Variants in MAGI1 observed in about 807,000 individuals in gnomAD.
MAGI1 encodes membrane associated guanylate kinase, WW and PDZ domain containing 1.
In MAGI1, 58 loss-of-function variants were observed where a neutral mutation model predicts 139.9. The observed-to-expected ratio is 0.41, with a 90% CI of 0.34 to 0.52. The LOEUF (loss-of-function observed/expected upper bound fraction) is 0.52, where lower values mean the gene tolerates loss of function less well. Ranked by LOEUF, MAGI1 falls within the 20% of genes least tolerant of loss-of-function variation. The probability of loss-of-function intolerance (pLI) is 0.12; values close to 1 mark genes in which losing one functional copy is unlikely to be tolerated. For missense variants in MAGI1, 1,874 were observed against 1,901.6 expected, an observed-to-expected ratio of 0.99 and a Z score of 0.27; for synonymous variants, 812 against 737.9, an observed-to-expected ratio of 1.10 and a Z score of -1.63.
At chr3:65,968,593 T>C (rs904686275) in intron 1 of MAGI1, among the ~76,000 whole-genome samples, 4 of 151,214 alleles carry the variant, frequency 2.6e-5, no homozygotes, top group Admixed American at 6.6e-5. Flanking sequence ...AGATTCTCTA[T>C]ATAATATATA....
At chr3:65,900,104 C>G (rs959311259) in intron 1 of MAGI1, among the ~76,000 whole-genome samples, 2 of 151,222 alleles carry the variant, frequency 1.3e-5, no homozygotes, top group South Asian at 2.1e-4. Context: ...AAAAAAAAAA[C>G]GAGCTTTCTA....
chr3:65,608,554 C>T (rs1324728239), intron 2 of MAGI1, among the ~76,000 whole-genome samples: 1 of 152,038 alleles, frequency 6.6e-6, no homozygotes, highest in Non-Finnish European at 1.5e-5. Flanking sequence ...CATTCTACAT[C>T]AGAAAAATGC....
At chr3:65,915,105 G>A (rs138096263) in intron 1 of MAGI1, among the ~76,000 whole-genome samples, 1 of 152,276 alleles carries the variant, frequency 6.6e-6, no homozygotes, top group East Asian at 1.9e-4. Flanking sequence ...GGTAAATGAT[G>A]TTGATCAGTC....
chr3:65,356,636 G>C lies in MAGI1; in HGVS notation c.4131C>G (p.Leu1377=), dbSNP rs779581641. The C allele has an allele frequency of 6.3e-6, 10 of 1,588,344 alleles. No individual in the cohort carries two copies. Among genetic ancestry groups the C allele is most frequent in the South Asian group, 1.1e-5 (1 of 87,834 alleles). The change falls in exon 23 of 23, where the codon CTC becomes CTG. Residue 1377 remains leucine, a synonymous_variant. Coordinates refer to ENST00000402939, the MANE Select transcript of MAGI1 (RefSeq NM_001033057.2). ...GCTCGGGGGACCTCCTCTGCTCCAG[G>C]AGTCTCTCCAGAGACCGTCTCCGCC... ...PSRRRRSLER[L]LEQRRSPERR...
Position 65,429,831 on chromosome 3 carries a change from T to C in MAGI1, c.1856A>G (p.Asn619Ser). ...RPSSPADVAS[N>S]SSHGYPNDTV... Reference sequence around the variant, plus strand: ...GTCATTAGGATAACCATGAGAACTATTTGAAGCCACGTCCGCTGGGCTGCT... The same window carrying C: ...GTCATTAGGATAACCATGAGAACTACTTGAAGCCACGTCCGCTGGGCTGCT... Residue 619 changes from asparagine (N) to serine (S), a missense_variant, in exon 12 of 23, where the codon AAT (asparagine) becomes AGT (serine). Coordinates refer to ENST00000402939, the MANE Select transcript of MAGI1 (RefSeq NM_001033057.2). 1.2e-6 allele frequency: 2 copies of C among 1,613,992 alleles called. No homozygotes were observed. The highest frequency in any genetic ancestry group is 1.7e-6 in the Non-Finnish European group (2 of 1,179,964).
At chr3:65,559,795 G>A (rs986962074) in intron 2 of MAGI1, among the ~76,000 whole-genome samples, 1 of 152,138 alleles carries the variant, frequency 6.6e-6, no homozygotes, top group Non-Finnish European at 1.5e-5. Flanking sequence ...CCAGCACTAC[G>A]GGAGGCCAGC....
chr3:65,846,976 C>CAAAAAAAAAA (rs58391331), intron 1 of MAGI1, among the ~76,000 whole-genome samples: 2,029 of 80,766 alleles, frequency 0.025, 162 homozygotes, highest in African/African-American at 0.065. Flanking sequence ...CAATGTCTTA[C>CAAAAAAAAAA]AAAAAAAAAA....
At chr3:65,998,751 C>T (rs2066588627) in intron 1 of MAGI1, among the ~76,000 whole-genome samples, 2 of 151,972 alleles carry the variant, frequency 1.3e-5, no homozygotes, top group South Asian at 4.2e-4. Context: ...AGCTTCAAGC[C>T]CATAAGATAC....
chr3:65,526,248 C>T (rs76887989), intron 2 of MAGI1, among the ~76,000 whole-genome samples: 1 of 152,090 alleles, frequency 6.6e-6, no homozygotes, highest in African/African-American at 2.4e-5. Flanking sequence ...GACATCTTTG[C>T]CATTTTTTGC....
chr3:65,809,049 T>C (rs2041054618), intron 1 of MAGI1, among the ~76,000 whole-genome samples: 1 of 152,182 alleles, frequency 6.6e-6, no homozygotes, highest in African/African-American at 2.4e-5. Context: ...TATTTGGATA[T>C]TGGGAATTCC....
At chr3:65,522,003 AG>A (rs2078186842) in intron 2 of MAGI1, among the ~76,000 whole-genome samples, 1 of 152,216 alleles carries the variant, frequency 6.6e-6, no homozygotes. Flanking sequence ...ATAACAGAAA[AG>A]TAGCAATACA....
At chr3:65,714,255 C>T (rs1407222361) in intron 1 of MAGI1, among the ~76,000 whole-genome samples, 1 of 152,088 alleles carries the variant, frequency 6.6e-6, no homozygotes, top group Admixed American at 6.5e-5. Flanking sequence ...TGGCCCTGAC[C>T]CCTGAATGTT....
chr3:65,779,275 G>A (rs957578415), intron 1 of MAGI1, among the ~76,000 whole-genome samples: 3 of 152,082 alleles, frequency 2.0e-5, no homozygotes, highest in African/African-American at 7.2e-5. Flanking sequence ...AATGTGAGTG[G>A]CCCTCTTCTC....
chr3:65,983,582 T>C (rs2065704485), intron 1 of MAGI1, among the ~76,000 whole-genome samples: 1 of 152,218 alleles, frequency 6.6e-6, no homozygotes, highest in Non-Finnish European at 1.5e-5. Flanking sequence ...ATATTATGTT[T>C]TAAAATTTTT....
chr3:65,955,806 A>C (rs2064096771), intron 1 of MAGI1, among the ~76,000 whole-genome samples: 1 of 152,126 alleles, frequency 6.6e-6, no homozygotes, highest in Non-Finnish European at 1.5e-5. Context: ...AATTGTAGCA[A>C]AGGGAAAAAC....
intron 2 of MAGI1, among the ~76,000 whole-genome samples, chr3:65,544,399 T>C (rs1168414194): frequency 1.3e-5 from 2 of 152,084 alleles, no homozygotes; most frequent in African/African-American, 2.4e-5. Flanking sequence ...AAAGAGGAGA[T>C]TGCAAAGAAC....
intron 1 of MAGI1, among the ~76,000 whole-genome samples, chr3:65,752,307 G>C (rs1017413466): frequency 2.0e-5 from 3 of 152,218 alleles, no homozygotes; most frequent in East Asian, 3.9e-4. Flanking sequence ...CTTTAATATG[G>C]TGTTAGGTAA....
chr3:65,587,413 C>T (rs1475566108), intron 2 of MAGI1, among the ~76,000 whole-genome samples: 4 of 151,264 alleles, frequency 2.6e-5, no homozygotes, highest in African/African-American at 9.7e-5. Flanking sequence ...TGTGGATACT[C>T]GAAGTATGGT....
At chr3:65,372,277 T>A (rs1942076298) in intron 18 of MAGI1, among the ~76,000 whole-genome samples, 1 of 152,222 alleles carries the variant, frequency 6.6e-6, no homozygotes, top group Non-Finnish European at 1.5e-5. Context: ...ACATTTCCAT[T>A]AGAACTCTTG....
Sources: gnomAD v4.1 joint callset for allele counts (sites outside exome capture counted in the v4.1 genomes callset) on GRCh38, gnomAD v4.1.1 for gene constraint, MANE v1.5 for transcripts, NCBI Gene and HGNC (gene_info 2026-07-23, HGNC 2026-07-21) for gene names.